UBE2L3: variants seen among roughly 807,000 people sequenced by gnomAD.
UBE2L3 encodes the protein ubiquitin conjugating enzyme E2 L3.
Under a neutral mutation model 17.8 loss-of-function variants are expected in UBE2L3, and 1 was observed. The ratio of observed to expected loss-of-function variants is 0.06; its 90% CI spans 0.02 to 0.27. UBE2L3 has a LOEUF of 0.27. Ranked by LOEUF, UBE2L3 falls within the 10% of genes least tolerant of loss-of-function variation. The pLI, the probability that UBE2L3 is intolerant of heterozygous loss-of-function variation, is 1.00. For synonymous variants in UBE2L3, 44 were observed against 68.5 expected (o/e 0.64, Z 1.76); for missense variants, 40 against 192.6 (o/e 0.21, Z 4.69).
chr22:21,586,785 C>G (rs1162706386), intron 1 of UBE2L3, among the ~76,000 whole-genome samples: 6 of 151,580 alleles, frequency 4.0e-5, no homozygotes, highest in Non-Finnish European at 7.4e-5. Flanking sequence ...CCAGGCTGCT[C>G]TCAAACTCCT....
At chr22:21,564,503 A>G (rs1477657359), upstream of UBE2L3, among the ~76,000 whole-genome samples, 1 of 152,122 alleles carries the variant, frequency 6.6e-6, no homozygotes, top group Non-Finnish European at 1.5e-5. Context: ...TTCCACTGGG[A>G]CTGGGTACAT....
At chr22:21,566,972 A>G (rs1926661133), upstream of UBE2L3, among the ~76,000 whole-genome samples, 1 of 152,100 alleles carries the variant, frequency 6.6e-6, no homozygotes, top group Admixed American at 6.6e-5. Flanking sequence ...TGAGGATGTT[A>G]ATGCTAACGT....
chr22:21,612,577 G>A (rs753028236), intron 3 of UBE2L3, among the ~76,000 whole-genome samples: 57 of 146,358 alleles, frequency 3.9e-4, no homozygotes, highest in African/African-American at 1.4e-3. Context: ...CGCCCGCCTC[G>A]GCCTCCCAAA....
intron 1 of UBE2L3, among the ~76,000 whole-genome samples, chr22:21,589,177 G>A (rs1217306712): frequency 9.9e-5 from 13 of 131,012 alleles, no homozygotes; most frequent in Non-Finnish European, 1.7e-4. Flanking sequence ...ACGGAGTCTC[G>A]CTCTGTCACC....
At chr22:21,572,194 G>A (rs1297785008) in intron 1 of UBE2L3, among the ~76,000 whole-genome samples, 1 of 152,032 alleles carries the variant, frequency 6.6e-6, no homozygotes, top group Admixed American at 6.6e-5. Flanking sequence ...CAGCTCTTTG[G>A]GAGGCCGAGG....
At chr22:21,606,530 C>A (rs79263374) in intron 2 of UBE2L3, among the ~76,000 whole-genome samples, 3 of 152,242 alleles carry the variant, frequency 2.0e-5, no homozygotes, top group South Asian at 4.2e-4. Context: ...TACTTCCCCC[C>A]ACCACCACCA....
chr22:21,574,077 CCACTCACTCAGAAAGGGCTTT>C (rs1360041797), intron 1 of UBE2L3, among the ~76,000 whole-genome samples: 1 of 152,146 alleles, frequency 6.6e-6, no homozygotes, highest in Non-Finnish European at 1.5e-5. Context: ...AAGTGGCATG[CCACTCACTCAGAAAGGGCTTT>C]GCATGTATCT....
chr22:21,600,475 C>A (rs1364969529), intron 2 of UBE2L3, among the ~76,000 whole-genome samples: 2 of 152,086 alleles, frequency 1.3e-5, no homozygotes, highest in African/African-American at 4.8e-5. Flanking sequence ...GGAGGCGGAT[C>A]ACTTGAGGTC....
intron 2 of UBE2L3, among the ~76,000 whole-genome samples, chr22:21,600,651 G>T (rs149887059): frequency 6.6e-6 from 1 of 152,004 alleles, no homozygotes; most frequent in East Asian, 1.9e-4. Flanking sequence ...AGCCAAGATC[G>T]CGCCACTGCA....
upstream of UBE2L3, chr22:21,567,534 T>C (rs1926690883): frequency 1.2e-5 from 13 of 1,082,722 alleles, no homozygotes; most frequent in East Asian, 3.5e-4. Flanking sequence ...TGCCATCTGA[T>C]TGGACGATCC....
At chr22:21,551,992 T>TACACACAC (rs750566572) in intron 1 of UBE2L3, among the ~76,000 whole-genome samples, 37 of 99,810 alleles carry the variant, frequency 3.7e-4, no homozygotes, top group African/African-American at 6.5e-4. Flanking sequence ...ACTGAAGAAA[T>TACACACAC]ACACACACAC....
At chr22:21,562,191 T>C (rs1229480021) in intron 1 of UBE2L3, among the ~76,000 whole-genome samples, 6 of 149,410 alleles carry the variant, frequency 4.0e-5, no homozygotes, top group Admixed American at 1.3e-4. Flanking sequence ...GTACCTCTTT[T>C]TTTTTTCTTT....
intron 1 of UBE2L3, among the ~76,000 whole-genome samples, chr22:21,569,766 G>T (rs529013655): frequency 1.3e-5 from 2 of 152,312 alleles, no homozygotes; most frequent in Admixed American, 1.3e-4. Context: ...TTATATGCAT[G>T]ATCATGTTTA....
At chr22:21,585,647 C>G (rs1230177783) in intron 1 of UBE2L3, among the ~76,000 whole-genome samples, 1 of 152,126 alleles carries the variant, frequency 6.6e-6, no homozygotes, top group Non-Finnish European at 1.5e-5. Flanking sequence ...CTTAGAGGAA[C>G]AGGCATTTGA....
At chr22:21,576,578 G>A (rs989806512) in intron 1 of UBE2L3, among the ~76,000 whole-genome samples, 2 of 151,998 alleles carry the variant, frequency 1.3e-5, no homozygotes, top group Admixed American at 6.6e-5. Flanking sequence ...GATTACAGGC[G>A]TGAGCCACCA....
intron 1 of UBE2L3, among the ~76,000 whole-genome samples, chr22:21,578,087 G>A (rs567108009): frequency 7.9e-4 from 121 of 152,230 alleles, no homozygotes; most frequent in African/African-American, 2.6e-3. Context: ...GCCGGGCACG[G>A]TGGCTCAGGC....
At chr22:21,582,945 G>A (rs557030887) in intron 1 of UBE2L3, among the ~76,000 whole-genome samples, 6 of 152,232 alleles carry the variant, frequency 3.9e-5, no homozygotes, top group African/African-American at 9.6e-5. Flanking sequence ...CCTAGATGGC[G>A]CCTAGGCACA....
intron 1 of UBE2L3, among the ~76,000 whole-genome samples, chr22:21,576,189 A>G (rs1927282658): frequency 6.8e-6 from 1 of 146,890 alleles, no homozygotes; most frequent in Non-Finnish European, 1.5e-5. Context: ...ATCTTGGTTC[A>G]CTGCAACCTC....
rs754277239 is a variant in UBE2L3 at position 21,621,564 on chromosome 22, G to T, written c.360G>T (p.Pro120=). 3 of 1,611,686 alleles carry T rather than the reference G, an allele frequency of 1.9e-6. No homozygotes were observed. In the East Asian group the frequency reaches 6.7e-5, roughly 36 times the overall value. ...TGAATGACCCCCAGCCTGAGCACCC[G>T]CTTCGGGCTGACCTAGCTGAAGAAT... ...ALVNDPQPEH[P]LRADLAEEYS... The change falls in exon 4 of 4, where the codon CCG becomes CCT. Residue 120 remains proline (P), a synonymous_variant. Coordinates refer to ENST00000342192, the MANE Select transcript of UBE2L3 (RefSeq NM_003347.4).
Sources: gnomAD v4.1 joint callset for allele counts (sites outside exome capture counted in the v4.1 genomes callset) on GRCh38, gnomAD v4.1.1 for gene constraint, MANE v1.5 for transcripts, NCBI Gene and HGNC (gene_info 2026-07-23, HGNC 2026-07-21) for gene names.